The following PID1 variants were observed in gnomAD, a reference collection of about 807,000 sequenced individuals.
The protein encoded by PID1 is phosphotyrosine interaction domain containing 1.
In PID1, 10 loss-of-function variants were observed where a neutral mutation model predicts 19.1. The ratio of observed to expected loss-of-function variants is 0.52; its 90% confidence interval spans 0.32 to 0.89. The LOEUF (loss-of-function observed/expected upper bound fraction) is 0.89. PID1 is among the 40% of genes least tolerant of loss of function. PID1 has a pLI of 0.03. For missense variants in PID1, 248 were observed against 285.3 expected (o/e 0.87, Z 0.94); for synonymous variants, 130 against 116.0 (o/e 1.12, Z -0.78).
intron 2 of PID1, among the ~76,000 whole-genome samples, chr2:229,063,546 T>A (rs557635354): frequency 6.6e-6 from 1 of 152,278 alleles, no homozygotes; most frequent in Admixed American, 6.5e-5. Context: ...GCCTAACATA[T>A]GATCTATCCT....
intron 1 of PID1, among the ~76,000 whole-genome samples, chr2:229,163,747 C>T (rs762231945): frequency 6.6e-6 from 1 of 151,788 alleles, no homozygotes; most frequent in Non-Finnish European, 1.5e-5. Flanking sequence ...CACACACACA[C>T]GCACACACAC....
chr2:229,151,111 AT>A (rs200598749), intron 2 of PID1, among the ~76,000 whole-genome samples: 21 of 149,536 alleles, frequency 1.4e-4, no homozygotes, highest in South Asian at 2.1e-4. Flanking sequence ...TAGCCCTTAC[AT>A]TTTTTTTTTA....
At chr2:229,186,964 A>C (rs1339152611) in intron 1 of PID1, among the ~76,000 whole-genome samples, 2 of 152,144 alleles carry the variant, frequency 1.3e-5, no homozygotes, top group Non-Finnish European at 2.9e-5. Flanking sequence ...ACCCTAAATC[A>C]TCTCTCTCAA....
intron 1 of PID1, among the ~76,000 whole-genome samples, chr2:229,207,020 T>C (rs1691624060): frequency 6.6e-6 from 1 of 152,204 alleles, no homozygotes; most frequent in South Asian, 2.1e-4. Flanking sequence ...GGGAGATGAC[T>C]AAGTTTTGAT....
chr2:229,250,857 C>A (rs906496372), intron 1 of PID1, among the ~76,000 whole-genome samples: 2 of 152,066 alleles, frequency 1.3e-5, no homozygotes, highest in African/African-American at 4.8e-5. Flanking sequence ...TGGATCTACC[C>A]GGCATTTAAC....
At chr2:229,091,197 A>G (rs577765083) in intron 2 of PID1, among the ~76,000 whole-genome samples, 2 of 152,276 alleles carry the variant, frequency 1.3e-5, no homozygotes, top group African/African-American at 4.8e-5. Context: ...TTACTGTAGA[A>G]AATAAGAATT....
intron 2 of PID1, among the ~76,000 whole-genome samples, chr2:229,134,939 C>T (rs1689829944): frequency 6.8e-6 from 1 of 147,784 alleles, no homozygotes; most frequent in African/African-American, 2.5e-5. Flanking sequence ...TATGTACTAA[C>T]CTATTTTAGT....
At chr2:229,270,163 T>C (rs1361901155) in intron 1 of PID1, among the ~76,000 whole-genome samples, 5 of 152,242 alleles carry the variant, frequency 3.3e-5, no homozygotes, top group African/African-American at 7.2e-5. Flanking sequence ...GGCTCCTAGC[T>C]TGCCAAAAGT....
chr2:229,102,462 T>C (rs1695091508), intron 2 of PID1, among the ~76,000 whole-genome samples: 1 of 152,212 alleles, frequency 6.6e-6, no homozygotes, highest in South Asian at 2.1e-4. Flanking sequence ...AAGAACCATG[T>C]GGGCCCACAG....
At chr2:229,113,901 T>C (rs1695353999) in intron 2 of PID1, among the ~76,000 whole-genome samples, 1 of 152,128 alleles carries the variant, frequency 6.6e-6, no homozygotes, top group African/African-American at 2.4e-5. Context: ...AGATGCTAAA[T>C]GAGCGAAATT....
Position 229,249,353 on chromosome 2 carries a change from C to A in PID1, c.30+21661G>T, listed in dbSNP as rs13415901. ...CCTCTCTCAACACAAAAGTAAAATTCTTCTCTTAGCATGCTCATTATGCCA... is the reference window on the plus strand; with the variant it reads ...CCTCTCTCAACACAAAAGTAAAATTATTCTCTTAGCATGCTCATTATGCCA... On this transcript the variant is annotated intron_variant, in intron 1 of 2. Coordinates refer to ENST00000392055, the MANE Select transcript of PID1 (RefSeq NM_001100818.2). Among the ~76,000 whole-genome samples the A allele has an allele frequency of 6.3e-3, 954 of 152,284 alleles. 10 individuals are homozygous for A. The highest frequency in any genetic ancestry group is 0.022 in the African/African-American group (910 of 41,546).
intron 1 of PID1, among the ~76,000 whole-genome samples, chr2:229,229,612 A>T (rs1160506638): frequency 6.6e-6 from 1 of 152,210 alleles, no homozygotes. Flanking sequence ...CTCCAGCCTG[A>T]ACAACAGAAT....
chr2:229,073,544 C>G (rs1694500213), intron 2 of PID1, among the ~76,000 whole-genome samples: 1 of 152,186 alleles, frequency 6.6e-6, no homozygotes, highest in South Asian at 2.1e-4. Context: ...AGAACTAACC[C>G]TATCCCCCAC....
intron 1 of PID1, among the ~76,000 whole-genome samples, chr2:229,193,665 CGTGTGTGTGAGTGTGTGAGAGAGTAT>C (rs2106233770): frequency 6.6e-6 from 1 of 151,266 alleles, no homozygotes; most frequent in Admixed American, 6.6e-5. Context: ...TTTGTTATGT[CGTGTGTGTGAGTGTGTGAGAGAGTAT>C]GTGTGTGTGA....
chr2:229,208,456 A>G (rs137924910), intron 1 of PID1, among the ~76,000 whole-genome samples: 1 of 152,342 alleles, frequency 6.6e-6, no homozygotes, highest in African/African-American at 2.4e-5. Context: ...TAAAGATCCC[A>G]TTTGCAATTA....
At chr2:229,158,295 AT>A (rs1690422648) in intron 1 of PID1, among the ~76,000 whole-genome samples, 1 of 152,196 alleles carries the variant, frequency 6.6e-6, no homozygotes, top group African/African-American at 2.4e-5. Context: ...CTGAATTTTC[AT>A]TTTACACTGG....
chr2:229,208,443 G>A (rs1386719802), intron 1 of PID1, among the ~76,000 whole-genome samples: 2 of 152,152 alleles, frequency 1.3e-5, no homozygotes, highest in African/African-American at 4.8e-5. Flanking sequence ...TGGTTTTAGA[G>A]GATAAAGATC....
intron 2 of PID1, among the ~76,000 whole-genome samples, chr2:229,141,913 C>T (rs1690020572): frequency 6.6e-6 from 1 of 152,068 alleles, no homozygotes; most frequent in South Asian, 2.1e-4. Flanking sequence ...GAACAACTGG[C>T]ACACCCAGGA....
intron 1 of PID1, among the ~76,000 whole-genome samples, chr2:229,233,010 GT>G (rs1692248190): frequency 6.6e-6 from 1 of 152,042 alleles, no homozygotes. Flanking sequence ...GAACAAGTGT[GT>G]GTTCCATTTC....
Sources: allele counts gnomAD v4.1 joint callset (sites outside exome capture counted in the v4.1 genomes callset), GRCh38; gene constraint gnomAD v4.1.1; transcripts MANE v1.5; gene names NCBI Gene and HGNC (gene_info 2026-07-23, HGNC 2026-07-21).